RALGAPA2: variants seen among roughly 807,000 people sequenced by gnomAD.
RALGAPA2 encodes the protein ral GTPase-activating protein subunit alpha-2.
RALGAPA2 carries 139 observed loss-of-function variants against 230.4 expected under a neutral mutation model. That is an observed-to-expected ratio of 0.60 (90% CI 0.53 to 0.69). The LOEUF (loss-of-function observed/expected upper bound fraction) is 0.69. Ranked by LOEUF, RALGAPA2 falls within the 30% of genes least tolerant of loss-of-function variation. RALGAPA2 has a pLI of 0.00. For missense variants in RALGAPA2, 2,163 were observed against 2,276.0 expected (o/e 0.95, Z 1.01); for synonymous variants, 847 against 837.8 (o/e 1.01, Z -0.19).
rs759870257 is a variant in RALGAPA2 at position 20,572,941 on chromosome 20, G to C, written c.2835C>G (p.Ile945Met). 3.0e-5 allele frequency: 48 copies of C among 1,581,420 alleles called. 1 individual carries two copies. The highest frequency in any genetic ancestry group is 1.8e-4 in the Middle Eastern group (1 of 5,456). ...VLGILGDVNN[I>M]QSPKIHARVF... The stretch of plus-strand genomic sequence containing the variant: ...CTCTGGCATGGATCTTGGGTGACTG[G>C]ATGTTATTCACATCTCCGAGGATCC... The change falls in exon 21 of 40, where the codon ATC becomes ATG. Residue 945 changes from isoleucine to methionine, a missense_variant. Coordinates refer to ENST00000202677, the MANE Select transcript of RALGAPA2 (RefSeq NM_020343.4).
At chr20:20,587,788 A>T (rs564707803) in intron 18 of RALGAPA2, among the ~76,000 whole-genome samples, 1 of 152,254 alleles carries the variant, frequency 6.6e-6, no homozygotes, top group Admixed American at 6.5e-5. Flanking sequence ...AGAGCTAGTA[A>T]ATATAAATAA....
intron 37 of RALGAPA2, among the ~76,000 whole-genome samples, chr20:20,466,392 T>C (rs2061422677): frequency 6.6e-6 from 1 of 152,234 alleles, no homozygotes; most frequent in South Asian, 2.1e-4. Context: ...CTGCCCACTC[T>C]GGTTTTTGAA....
chr20:20,645,805 A>G (rs1267668438), intron 4 of RALGAPA2, among the ~76,000 whole-genome samples: 1 of 152,226 alleles, frequency 6.6e-6, no homozygotes, highest in Non-Finnish European at 1.5e-5. Flanking sequence ...CTGTAAAATG[A>G]GGTGACAATA....
intron 20 of RALGAPA2, among the ~76,000 whole-genome samples, chr20:20,576,361 C>CACA (rs2064819807): frequency 2.0e-5 from 3 of 152,184 alleles, no homozygotes; most frequent in Middle Eastern, 3.4e-3. Flanking sequence ...GTCTCCATAG[C>CACA]CTCCTTTTGA....
intron 23 of RALGAPA2, among the ~76,000 whole-genome samples, chr20:20,555,456 A>G (rs927120674): frequency 1.3e-5 from 2 of 152,164 alleles, no homozygotes; most frequent in African/African-American, 4.8e-5. Flanking sequence ...TTTCTGCAAA[A>G]ACCACCATTG....
At position 20,593,427 on chromosome 20, in the gene RALGAPA2, C is replaced by T. The variant is rs541945537; in HGVS notation, c.2204-2113G>A. ...CACATCCCAAAGTACAGACTACGTCCTTCTCACAGATCTATTTCTAGTCTC... is the reference window on the plus strand; with the variant it reads ...CACATCCCAAAGTACAGACTACGTCTTTCTCACAGATCTATTTCTAGTCTC... On this transcript the variant is annotated intron_variant, in intron 16 of 39. Transcript: ENST00000202677. Among the ~76,000 whole-genome samples, 6 of 152,366 alleles carry T rather than the reference C, an allele frequency of 3.9e-5. No individual in the cohort carries two copies. The South Asian group carries it at 1.2e-3, about 32-fold the overall frequency.
rs968679392 is a variant in RALGAPA2 at position 20,563,001 on chromosome 20, C to T, written c.3156+8457G>A. ...CCCACAAAACCTTGTGGAAAACACT[C>T]GGAAGGCAGTGGATGCTACCTGATG... On this transcript the variant is annotated intron_variant, in intron 23 of 39. Transcript: ENST00000202677. Among the ~76,000 whole-genome samples the T allele has an allele frequency of 2.0e-5, 3 of 152,268 alleles. 1 individual carries two copies. The highest frequency in any genetic ancestry group is 1.5e-5 in the Non-Finnish European group (1 of 68,026).
rs117178754 is a variant in RALGAPA2, at chr20:20,507,335, T to G, written c.4929-1801A>C. Among the ~76,000 whole-genome samples, 119 of 152,314 alleles carry G rather than the reference T, an allele frequency of 7.8e-4. 1 individual carries two copies. In the East Asian group the frequency reaches 0.021, roughly 27 times the overall value. ...CATCCTTAAAGATAATCTTTAATGT[T>G]TTTAATCTTTTCACAATATCTTTTT... On this transcript the variant is annotated intron_variant, in intron 33 of 39. Transcript: ENST00000202677.
chr20:20,436,827 A>C lies in RALGAPA2; in HGVS notation c.5496-24679T>G, dbSNP rs142862752. Among the ~76,000 whole-genome samples the C allele has an allele frequency of 2.6e-5, 4 of 152,330 alleles. No individual in the cohort carries two copies. The East Asian group carries it at 7.7e-4, about 29-fold the overall frequency. On this transcript the variant is annotated intron_variant, in intron 37 of 39. Coordinates refer to ENST00000202677, the MANE Select transcript of RALGAPA2 (RefSeq NM_020343.4). ...AGGGAGGCAGGAAACTGCCATTTTG[A>C]CTGCCCACTACGTCCTGCCAGACAC... is the stretch of plus-strand genomic sequence containing the variant.
chr20:20,401,334 G>C (rs2059831704), intron 38 of RALGAPA2, among the ~76,000 whole-genome samples: 2 of 152,142 alleles, frequency 1.3e-5, no homozygotes, highest in Admixed American at 6.5e-5. Context: ...GCAAGCAGGG[G>C]AATGAGGGCA....
chr20:20,631,204 G>GA (rs1163540989), intron 9 of RALGAPA2, among the ~76,000 whole-genome samples: 9 of 152,206 alleles, frequency 5.9e-5, no homozygotes, highest in African/African-American at 2.2e-4. Flanking sequence ...AACAGAACAA[G>GA]AAGTCCCATA....
intron 36 of RALGAPA2, among the ~76,000 whole-genome samples, chr20:20,486,522 T>G (rs2061915771): frequency 6.6e-6 from 1 of 152,218 alleles, no homozygotes; most frequent in Admixed American, 6.5e-5. Flanking sequence ...TCTGGCTCCT[T>G]TCAAGATTTT....
At chr20:20,542,379 T>A (rs1272740053) in intron 24 of RALGAPA2, among the ~76,000 whole-genome samples, 1 of 152,202 alleles carries the variant, frequency 6.6e-6, no homozygotes, top group Non-Finnish European at 1.5e-5. Flanking sequence ...AAGCTACCAT[T>A]GACTTTCCTC....
chr20:20,633,025 CTT>C (rs1003519740), intron 9 of RALGAPA2, among the ~76,000 whole-genome samples: 11 of 150,640 alleles, frequency 7.3e-5, no homozygotes, highest in Admixed American at 1.3e-4. Flanking sequence ...CTCTCTCTCT[CTT>C]TCTTTCTTTC....
At chr20:20,685,110 G>A (rs1311422873) in intron 1 of RALGAPA2, among the ~76,000 whole-genome samples, 1 of 151,224 alleles carries the variant, frequency 6.6e-6, no homozygotes, top group Non-Finnish European at 1.5e-5. Context: ...GATATAACAG[G>A]AAGGCTTTGC....
At chr20:20,591,443 C>G (rs1168017652) in intron 16 of RALGAPA2, 129 bp from the exon 17 acceptor site, 2 of 1,144,316 alleles carry the variant, frequency 1.7e-6, no homozygotes, top group Non-Finnish European at 2.4e-6. Flanking sequence ...GTCAGATAAT[C>G]TGCATTTAAA....
chr20:20,606,704 T>C (rs1387811865), intron 14 of RALGAPA2, among the ~76,000 whole-genome samples: 1 of 152,146 alleles, frequency 6.6e-6, no homozygotes, highest in African/African-American at 2.4e-5. Flanking sequence ...TCAATGCACC[T>C]ATCACACCTT....
chr20:20,601,902 C>T lies in RALGAPA2; in HGVS notation c.2039-56G>A, dbSNP rs575070562. The T allele has an allele frequency of 2.2e-5, 31 of 1,435,884 alleles. No individual in the cohort carries two copies. The East Asian group carries it at 2.5e-4, about 12-fold the overall frequency. 88.9% of individuals were successfully genotyped at this position (1,435,884 alleles called of 1,614,324 possible). A position where few individuals can be genotyped will look rare whatever the true frequency, so the allele number is the denominator to read the frequency against. On this transcript the variant is annotated intron_variant, in intron 15 of 39. Coordinates refer to ENST00000202677, the MANE Select transcript of RALGAPA2 (RefSeq NM_020343.4). ...GCTGAATTCATTATTATTCATTTCA[C>T]GCTTGTGTTGCTCAGCAAATGGTGT...
At chr20:20,603,030 C>A (rs956764938) in intron 15 of RALGAPA2, among the ~76,000 whole-genome samples, 1 of 152,132 alleles carries the variant, frequency 6.6e-6, no homozygotes, top group Admixed American at 6.5e-5. Context: ...TCCTCTCAGG[C>A]CCCGGGTTTA....
Sources: gnomAD v4.1 joint callset for allele counts (sites outside exome capture counted in the v4.1 genomes callset) on GRCh38, gnomAD v4.1.1 for gene constraint, MANE v1.5 for transcripts, NCBI Gene and HGNC (gene_info 2026-07-23, HGNC 2026-07-21) for gene names.